SHANK2: variants seen among roughly 807,000 people sequenced by gnomAD.
SHANK2 encodes the protein SH3 and multiple ankyrin repeat domains protein 2.
SHANK2 carries 43 observed loss-of-function variants against 133.7 expected under a neutral mutation model. The ratio of observed to expected loss-of-function variants is 0.32; its 90% confidence interval spans 0.25 to 0.41. SHANK2 has a LOEUF of 0.41. Among genes scored for constraint, SHANK2 ranks in the 10% least tolerant of loss-of-function variants. The pLI is 1.00. For synonymous variants in SHANK2, 1,017 were observed against 952.8 expected (o/e 1.07, Z -1.24); for missense variants, 1,994 against 2,235.8 (o/e 0.89, Z 2.18).
intron 10 of SHANK2, among the ~76,000 whole-genome samples, chr11:70,920,512 C>G (rs1167500497): frequency 6.6e-6 from 1 of 152,106 alleles, no homozygotes; most frequent in Non-Finnish European, 1.5e-5. Flanking sequence ...TGCAAATATT[C>G]TATAGAATTA....
intron 3 of SHANK2, among the ~76,000 whole-genome samples, chr11:71,122,647 T>A (rs1360886745): frequency 6.6e-6 from 1 of 151,876 alleles, no homozygotes; most frequent in Non-Finnish European, 1.5e-5. Context: ...AAAGTATAAT[T>A]TTAAAAAAAA....
intron 2 of SHANK2, among the ~76,000 whole-genome samples, chr11:71,220,035 A>C (rs568068166): frequency 1.2e-4 from 18 of 151,546 alleles, no homozygotes; most frequent in Non-Finnish European, 1.6e-4. Flanking sequence ...ACCAGCCTGG[A>C]CAACATAGTG....
chr11:71,102,200 C>A (rs1365846026), intron 6 of SHANK2, among the ~76,000 whole-genome samples: 1 of 152,136 alleles, frequency 6.6e-6, no homozygotes, highest in Non-Finnish European at 1.5e-5. Context: ...CTGGTCTCAT[C>A]TCAGAGTTTC....
At chr11:70,927,831 C>T (rs1261157672) in intron 10 of SHANK2, among the ~76,000 whole-genome samples, 1 of 152,140 alleles carries the variant, frequency 6.6e-6, no homozygotes, top group Non-Finnish European at 1.5e-5. Flanking sequence ...TGGGCCCCAT[C>T]CAATCCGTTG....
intron 14 of SHANK2, among the ~76,000 whole-genome samples, chr11:70,741,218 T>A (rs149395230): frequency 5.3e-5 from 8 of 151,278 alleles, no homozygotes; most frequent in African/African-American, 1.9e-4. Context: ...CAAACATTCA[T>A]GCATTTAACC....
At chr11:70,661,359 A>G (rs955657483) in intron 16 of SHANK2, among the ~76,000 whole-genome samples, 9 of 152,180 alleles carry the variant, frequency 5.9e-5, no homozygotes, top group Non-Finnish European at 1.3e-4. Flanking sequence ...AAAATTAAAA[A>G]CATTCCTCAA....
chr11:71,239,738 G>T (rs1954865387), intron 1 of SHANK2, among the ~76,000 whole-genome samples: 2 of 152,108 alleles, frequency 1.3e-5, no homozygotes, highest in African/African-American at 2.4e-5. Flanking sequence ...GCCTCCCAGG[G>T]TGCTGGGACT....
chr11:71,060,442 C>T (rs1950973882), intron 9 of SHANK2, among the ~76,000 whole-genome samples: 1 of 152,236 alleles, frequency 6.6e-6, no homozygotes, highest in Admixed American at 6.5e-5. Flanking sequence ...GGCCCCTGGC[C>T]CCAGCCGGTC....
chr11:71,094,840 G>A (rs1247022861), intron 6 of SHANK2, among the ~76,000 whole-genome samples, 152 bp from the exon 7 acceptor site: 2 of 152,260 alleles, frequency 1.3e-5, no homozygotes, highest in African/African-American at 4.8e-5. Flanking sequence ...AACCCCAAGA[G>A]TCCAGGCGGG....
intron 10 of SHANK2, among the ~76,000 whole-genome samples, chr11:70,950,795 G>GTA (rs1294558012): frequency 6.7e-6 from 1 of 149,572 alleles, no homozygotes; most frequent in African/African-American, 2.5e-5. Flanking sequence ...GTGTGTGTAT[G>GTA]TGTGGGTGTG....
At chr11:71,210,250 A>ATATT (rs1555118714) in intron 2 of SHANK2, among the ~76,000 whole-genome samples, 2,190 of 84,708 alleles carry the variant, frequency 0.026, 95 homozygotes, top group Non-Finnish European at 0.032. Flanking sequence ...ATATATATAT[A>ATATT]TATTTATTTA....
chr11:70,944,046 T>C (rs530444112), intron 10 of SHANK2: 111 of 445,260 alleles, frequency 2.5e-4, no homozygotes, highest in African/African-American at 2.1e-3. Context: ...GTTTATGCTA[T>C]TATGGCTAGC....
In SHANK2 at chr11:70,623,448, A is replaced by G. The variant is rs574114334; in HGVS notation, c.2061+36380T>C. Among the ~76,000 whole-genome samples, 135 of 152,282 alleles carry G rather than the reference A, an allele frequency of 8.9e-4. 1 individual carries two copies. The highest frequency in any genetic ancestry group is 3.2e-3 in the African/African-American group (133 of 41,550). On this transcript the variant is annotated intron_variant, in intron 17 of 25. Transcript: ENST00000601538. Reference sequence around the variant, plus strand: ...CTGGCCTGGCTCCTGCCTCTGTCCCATCATGCAGCCAGATGCACCCCGAAG... The same window carrying G: ...CTGGCCTGGCTCCTGCCTCTGTCCCGTCATGCAGCCAGATGCACCCCGAAG...
At chr11:70,891,780 C>A (rs1458673880) in intron 11 of SHANK2, among the ~76,000 whole-genome samples, 2 of 152,126 alleles carry the variant, frequency 1.3e-5, no homozygotes, top group Non-Finnish European at 2.9e-5. Context: ...TCCTGGGTGA[C>A]CATGATGGAC....
At chr11:70,819,616 T>G (rs1948475370) in intron 12 of SHANK2, among the ~76,000 whole-genome samples, 1 of 152,142 alleles carries the variant, frequency 6.6e-6, no homozygotes, top group African/African-American at 2.4e-5. Context: ...GGACGCCGAA[T>G]GGGGTGCTGG....
intron 11 of SHANK2, among the ~76,000 whole-genome samples, chr11:70,878,743 C>T (rs1324908123): frequency 6.6e-6 from 1 of 152,140 alleles, no homozygotes; most frequent in African/African-American, 2.4e-5. Context: ...CAAAAGGGAC[C>T]CTGACAAGCT....
chr11:71,217,675 C>T (rs1379353904), intron 2 of SHANK2, among the ~76,000 whole-genome samples: 4 of 152,146 alleles, frequency 2.6e-5, no homozygotes, highest in African/African-American at 2.4e-5. Context: ...ATCCTGACCC[C>T]GCGTAGGCCA....
At chr11:70,782,760 A>G (rs1947532734) in intron 14 of SHANK2, among the ~76,000 whole-genome samples, 1 of 152,234 alleles carries the variant, frequency 6.6e-6, no homozygotes. Flanking sequence ...GCCACCCAAT[A>G]CATGCACAGA....
intron 17 of SHANK2, among the ~76,000 whole-genome samples, chr11:70,583,649 C>G (rs2060211943): frequency 6.6e-6 from 1 of 152,192 alleles, no homozygotes; most frequent in Admixed American, 6.5e-5. Flanking sequence ...GTTGAGCCCC[C>G]TCCATCTTGA....
Sources: gnomAD v4.1 joint callset for allele counts (sites outside exome capture counted in the v4.1 genomes callset) on GRCh38, gnomAD v4.1.1 for gene constraint, MANE v1.5 for transcripts, NCBI Gene and HGNC (gene_info 2026-07-23, HGNC 2026-07-21) for gene names.